Variants in C10orf67 observed in about 807,000 individuals in gnomAD.
C10orf67 encodes the protein chromosome 10 open reading frame 67, also known as uncharacterized protein C10orf67, mitochondrial.
A neutral mutation model predicts 35.6 loss-of-function variants in C10orf67; 60 were observed. The observed-to-expected ratio is 1.68, with a 90% CI of 1.37 to 2.09. C10orf67 has a LOEUF of 2.09. Among genes scored for constraint, C10orf67 ranks in the 30% most tolerant of loss-of-function variants. C10orf67 has a pLI of 0.00. For missense variants in C10orf67, 474 were observed against 330.2 expected (o/e 1.44, Z -3.38); for synonymous variants, 167 against 115.8 (o/e 1.44, Z -2.84).
intron 8 of C10orf67, among the ~76,000 whole-genome samples, chr10:23,272,539 C>T (rs376593303): frequency 7.9e-5 from 12 of 152,206 alleles, no homozygotes; most frequent in African/African-American, 2.4e-4. Context: ...CTAGTCTATT[C>T]CAGCAATCTA....
chr10:23,229,748 A>G (rs1841854507), intron 13 of C10orf67, among the ~76,000 whole-genome samples: 1 of 152,144 alleles, frequency 6.6e-6, no homozygotes, highest in African/African-American at 2.4e-5. Flanking sequence ...GTATAATAGC[A>G]TAAAAATACA....
chr10:23,338,547 A>G (rs1426804559), intron 1 of C10orf67, among the ~76,000 whole-genome samples: 1 of 152,188 alleles, frequency 6.6e-6, no homozygotes, highest in Admixed American at 6.5e-5. Flanking sequence ...AACTTACAGA[A>G]CATCTTATCC....
At chr10:23,330,042 A>G (rs747584414) in intron 2 of C10orf67, among the ~76,000 whole-genome samples, 37 of 152,218 alleles carry the variant, frequency 2.4e-4, no homozygotes, top group Non-Finnish European at 4.7e-4. Flanking sequence ...CAATAAGTCC[A>G]TGAAAAGTAT....
chr10:23,319,192 T>G (rs1844851476), intron 4 of C10orf67, among the ~76,000 whole-genome samples: 1 of 152,156 alleles, frequency 6.6e-6, no homozygotes, highest in African/African-American at 2.4e-5. Context: ...GTGTCTATTG[T>G]TCCCTTCTTT....
chr10:23,246,645 G>A (rs985497871), intron 12 of C10orf67, among the ~76,000 whole-genome samples: 3 of 152,154 alleles, frequency 2.0e-5, no homozygotes, highest in African/African-American at 4.8e-5. Context: ...GGTCCCATAA[G>A]ATTATAATGG....
chr10:23,205,918 T>G (rs1841146944), intron 15 of C10orf67, among the ~76,000 whole-genome samples: 1 of 152,242 alleles, frequency 6.6e-6, no homozygotes, highest in Non-Finnish European at 1.5e-5. Flanking sequence ...TAATGACATT[T>G]CACAGGTAAT....
At chr10:23,326,128 A>G (rs972530090) in intron 2 of C10orf67, among the ~76,000 whole-genome samples, 3 of 152,176 alleles carry the variant, frequency 2.0e-5, no homozygotes, top group Admixed American at 2.0e-4. Flanking sequence ...ATTTGAAGAT[A>G]TATTTAGTGG....
chr10:23,213,382 T>C (rs1371786659), intron 15 of C10orf67, among the ~76,000 whole-genome samples: 1 of 152,186 alleles, frequency 6.6e-6, no homozygotes. Context: ...TGAATATTGA[T>C]AAATACATCA....
intron 8 of C10orf67, among the ~76,000 whole-genome samples, chr10:23,271,411 T>A (rs779314665): frequency 1.3e-5 from 2 of 152,244 alleles, no homozygotes; most frequent in Non-Finnish European, 2.9e-5. Flanking sequence ...GAACATGTGC[T>A]TTTATTTATC....
At chr10:23,306,461 T>C (rs1359370011) in intron 4 of C10orf67, among the ~76,000 whole-genome samples, 1 of 148,286 alleles carries the variant, frequency 6.7e-6, no homozygotes, top group Non-Finnish European at 1.5e-5. Context: ...GAGGTGGAGG[T>C]TGCAGTGAGC....
chr10:23,290,291 A>G (rs1022363861), intron 6 of C10orf67, among the ~76,000 whole-genome samples: 1 of 152,252 alleles, frequency 6.6e-6, no homozygotes, highest in Non-Finnish European at 1.5e-5. Flanking sequence ...CTTAATAAGA[A>G]CGACCCAAAA....
chr10:23,220,406 C>T (rs1261262984), intron 15 of C10orf67, among the ~76,000 whole-genome samples: 2 of 152,132 alleles, frequency 1.3e-5, no homozygotes, highest in Non-Finnish European at 2.9e-5. Context: ...GTCTGTTTTA[C>T]ACAACAGGAA....
chr10:23,229,007 A>G (rs1841829459), intron 13 of C10orf67, among the ~76,000 whole-genome samples: 1 of 152,182 alleles, frequency 6.6e-6, no homozygotes, highest in Non-Finnish European at 1.5e-5. Flanking sequence ...TAGTTCAACC[A>G]TTGTGGAAGA....
At chr10:23,323,132 T>C (rs983693118) in intron 2 of C10orf67, among the ~76,000 whole-genome samples, 3 of 152,116 alleles carry the variant, frequency 2.0e-5, no homozygotes, top group African/African-American at 7.2e-5. Flanking sequence ...CAGAAGAAAA[T>C]ATCTGTGTTA....
intron 2 of C10orf67, among the ~76,000 whole-genome samples, chr10:23,323,942 T>TAC (rs1845078808): frequency 2.0e-5 from 1 of 50,264 alleles, no homozygotes; most frequent in Non-Finnish European, 3.4e-5. Context: ...TATATATATA[T>TAC]ATATATATAT....
At position 23,258,337 on chromosome 10, in the gene C10orf67, C is replaced by T. The variant is rs1319741966; in HGVS notation, c.1201-7646G>A. ...GTTTAAAAAAGGCCTTCCTAAGATGCCTTAGAAGGCCATTGCAGTCACCAC... is the reference window on the plus strand; with the variant it reads ...GTTTAAAAAAGGCCTTCCTAAGATGTCTTAGAAGGCCATTGCAGTCACCAC... On this transcript the variant is annotated intron_variant, in intron 10 of 15. Coordinates refer to ENST00000636213, the MANE Select transcript of C10orf67 (RefSeq NM_001371909.1). 3.1e-5 allele frequency: 5 copies of T among 162,188 alleles called. No individual in the cohort carries two copies. In the South Asian group the frequency reaches 7.0e-4, roughly 23 times the overall value. 10.0% of individuals were successfully genotyped at this position (162,188 alleles called of 1,614,324 possible).
At chr10:23,276,290 G>A (rs746716422) in intron 8 of C10orf67, among the ~76,000 whole-genome samples, 4 of 152,160 alleles carry the variant, frequency 2.6e-5, no homozygotes, top group Non-Finnish European at 5.9e-5. Context: ...CCTCAACTCT[G>A]TTGCTTGGTC....
chr10:23,339,300 A>G (rs1204326801), intron 1 of C10orf67, among the ~76,000 whole-genome samples: 6 of 151,876 alleles, frequency 4.0e-5, no homozygotes, highest in African/African-American at 1.2e-4. Flanking sequence ...TTGCTGGTGA[A>G]CAACGGAGTC....
intron 8 of C10orf67, among the ~76,000 whole-genome samples, chr10:23,275,539 G>A (rs1238810535): frequency 6.6e-6 from 1 of 152,020 alleles, no homozygotes; most frequent in Non-Finnish European, 1.5e-5. Flanking sequence ...ATGACCTTTG[G>A]TTCTCAGCCT....
Sources: gnomAD v4.1 joint callset for allele counts (sites outside exome capture counted in the v4.1 genomes callset) on GRCh38, gnomAD v4.1.1 for gene constraint, MANE v1.5 for transcripts, NCBI Gene and HGNC (gene_info 2026-07-23, HGNC 2026-07-21) for gene names.